Variants in CSMD3 observed in about 807,000 individuals in gnomAD.
CSMD3 encodes CUB and Sushi multiple domains 3.
CSMD3 carries 177 observed loss-of-function variants against 435.2 expected under a neutral mutation model. The ratio of observed to expected loss-of-function variants is 0.41; its 90% CI spans 0.36 to 0.46. CSMD3 has a LOEUF of 0.46. Ranked by LOEUF, CSMD3 falls within the 20% of genes least tolerant of loss-of-function variation. The probability of loss-of-function intolerance (pLI) is 0.34; values close to 1 mark genes in which losing one functional copy is unlikely to be tolerated. For synonymous variants in CSMD3, 1,656 were observed against 1,520.5 expected (o/e 1.09, Z -2.07); for missense variants, 4,265 against 4,504.6 (o/e 0.95, Z 1.52).
intron 10 of CSMD3, among the ~76,000 whole-genome samples, chr8:112,908,817 T>C (rs1276271672): frequency 4.6e-5 from 7 of 151,602 alleles, no homozygotes; most frequent in African/African-American, 1.4e-4. Context: ...ATGGTCTTTA[T>C]GATGTTTTAT....
At chr8:112,256,759 T>C (rs1331865405) in intron 61 of CSMD3, among the ~76,000 whole-genome samples, 1 of 152,218 alleles carries the variant, frequency 6.6e-6, no homozygotes, top group Non-Finnish European at 1.5e-5. Flanking sequence ...CCTGAAAGCT[T>C]ACTTCCCTCT....
At chr8:112,548,797 C>G (rs1330891626) in intron 27 of CSMD3, among the ~76,000 whole-genome samples, 1 of 151,898 alleles carries the variant, frequency 6.6e-6, no homozygotes, top group Admixed American at 6.6e-5. Flanking sequence ...ATGTAGTAAC[C>G]ATCAATGTAA....
chr8:113,118,223 C>G (rs181411350), intron 4 of CSMD3, among the ~76,000 whole-genome samples: 1 of 152,162 alleles, frequency 6.6e-6, no homozygotes, highest in African/African-American at 2.4e-5. Context: ...GCCATCAACT[C>G]TTGACTACAT....
chr8:113,111,190 T>G (rs537201502), intron 4 of CSMD3, among the ~76,000 whole-genome samples: 1 of 152,234 alleles, frequency 6.6e-6, no homozygotes, highest in Non-Finnish European at 1.5e-5. Context: ...GGTCAGAAGT[T>G]TTCAAAGAAT....
chr8:112,407,431 T>C (rs1193392276), intron 34 of CSMD3, among the ~76,000 whole-genome samples: 4 of 152,034 alleles, frequency 2.6e-5, no homozygotes, highest in African/African-American at 7.2e-5. Context: ...TTAAAACACA[T>C]AACAAATGTG....
At chr8:112,583,096 T>A (rs116065544) in intron 23 of CSMD3, among the ~76,000 whole-genome samples, 67 of 152,152 alleles carry the variant, frequency 4.4e-4, no homozygotes, top group African/African-American at 1.5e-3. Flanking sequence ...GAGATAATAA[T>A]TTAGACCAAG....
At chr8:112,331,996 C>A (rs904491838) in intron 45 of CSMD3, among the ~76,000 whole-genome samples, 3 of 152,052 alleles carry the variant, frequency 2.0e-5, no homozygotes, top group Non-Finnish European at 4.4e-5. Flanking sequence ...TTAGAAATTA[C>A]ACATTTAGTA....
At chr8:113,319,697 C>A (rs1169915215) in intron 1 of CSMD3, among the ~76,000 whole-genome samples, 1 of 151,994 alleles carries the variant, frequency 6.6e-6, no homozygotes, top group Non-Finnish European at 1.5e-5. Flanking sequence ...ATACTATTTT[C>A]TTTTGCATTT....
intron 20 of CSMD3, among the ~76,000 whole-genome samples, chr8:112,640,600 T>C (rs2074795868): frequency 1.3e-5 from 2 of 151,850 alleles, no homozygotes; most frequent in Admixed American, 6.6e-5. Flanking sequence ...TGGTGTTTTT[T>C]TTTTCTCCTC....
chr8:112,623,339 C>T (rs899657404), intron 22 of CSMD3, among the ~76,000 whole-genome samples: 2 of 152,078 alleles, frequency 1.3e-5, no homozygotes, highest in African/African-American at 4.8e-5. Context: ...GAATCAAGCA[C>T]ATTTTCACAA....
chr8:112,455,884 T>C lies in CSMD3; in HGVS notation c.5395+16707A>G, dbSNP rs150293901. 1.6e-3 allele frequency among the ~76,000 whole-genome samples: 242 copies of C among 152,212 alleles called. 1 individual carries two copies. The highest frequency in any genetic ancestry group is 0.014 in the Middle Eastern group (4 of 294). On this transcript the variant is annotated intron_variant, in intron 32 of 70. Coordinates refer to ENST00000297405, the MANE Select transcript of CSMD3 (RefSeq NM_198123.2). ...TGGGATTTAAAAAAAAAGGAAGGCATAAATTTTATAGTTATTTTTTGTCTC... is the reference window on the plus strand; with the variant it reads ...TGGGATTTAAAAAAAAAGGAAGGCACAAATTTTATAGTTATTTTTTGTCTC...
Position 112,234,507 on chromosome 8 carries a change from T to G in CSMD3, c.10628-30A>C, listed in dbSNP as rs111698347. 2.8e-3 allele frequency: 3,376 copies of G among 1,207,548 alleles called. 82 individuals carry two copies. The African/African-American group carries it at 0.041, about 15-fold the overall frequency. The allele number at this position is 1,207,548 out of a possible 1,614,324, so 74.8% of individuals were successfully genotyped here. On this transcript the variant is annotated intron_variant, in intron 67 of 70. Transcript: ENST00000297405. ...AAAATGCAAGGACATTTTAGTCTAC[T>G]TAACTTTGTAAATAGTTATACTTCA...
chr8:112,695,516 T>A (rs1221386399), intron 13 of CSMD3, among the ~76,000 whole-genome samples: 1 of 152,108 alleles, frequency 6.6e-6, no homozygotes, highest in Non-Finnish European at 1.5e-5. Context: ...AAAAGGCCTT[T>A]GACAAAATTC....
rs570277272 is a variant in CSMD3, at chr8:113,008,421, A to G, written c.1030+10646T>C. 1.2e-4 allele frequency among the ~76,000 whole-genome samples: 19 copies of G among 152,006 alleles called. No individual in the cohort carries two copies. In the East Asian group the frequency reaches 3.5e-3, roughly 28 times the overall value. On this transcript the variant is annotated intron_variant, in intron 6 of 70. Coordinates refer to ENST00000297405, the MANE Select transcript of CSMD3 (RefSeq NM_198123.2). ...ATTGGCTAGCACTAGCTTAGCTGCC[A>G]TAAGACGGCTGCTCACCTTATCTGT... is the stretch of plus-strand genomic sequence containing the variant.
At chr8:112,462,521 C>A (rs1817553992) in intron 32 of CSMD3, among the ~76,000 whole-genome samples, 2 of 152,064 alleles carry the variant, frequency 1.3e-5, no homozygotes, top group Non-Finnish European at 1.5e-5. Flanking sequence ...GAATAGATAA[C>A]CATCATATGA....
intron 1 of CSMD3, among the ~76,000 whole-genome samples, chr8:113,414,805 A>G (rs2094574899): frequency 6.6e-6 from 1 of 152,130 alleles, no homozygotes; most frequent in Admixed American, 6.5e-5. Context: ...TACAAATAAT[A>G]CAAAACAAAT....
At chr8:113,013,483 T>C (rs1327781620) in intron 6 of CSMD3, among the ~76,000 whole-genome samples, 1 of 151,932 alleles carries the variant, frequency 6.6e-6, no homozygotes, top group Non-Finnish European at 1.5e-5. Flanking sequence ...ATCGGGCGAG[T>C]TAAGGGTGGT....
At chr8:113,344,432 T>C (rs910479082) in intron 1 of CSMD3, among the ~76,000 whole-genome samples, 2 of 152,160 alleles carry the variant, frequency 1.3e-5, no homozygotes, top group South Asian at 4.1e-4. Context: ...TATTAAGCAG[T>C]TGTATGGAGC....
Position 112,413,391 on chromosome 8 carries a change from T to C in CSMD3, c.5396-4359A>G, listed in dbSNP as rs530993678. Among the ~76,000 whole-genome samples the C allele has an allele frequency of 7.9e-5, 12 of 152,372 alleles. No homozygotes were observed. The South Asian group carries it at 1.7e-3, about 21-fold the overall frequency. ...ACTGTTTCAATAAGCATTTGTTTTC[T>C]ATTCTCTATCAAACCCTGTCGAATC... On this transcript the variant is annotated intron_variant, in intron 32 of 70. Coordinates refer to ENST00000297405, the MANE Select transcript of CSMD3 (RefSeq NM_198123.2).
Sources: allele counts gnomAD v4.1 joint callset (sites outside exome capture counted in the v4.1 genomes callset), GRCh38; gene constraint gnomAD v4.1.1; transcripts MANE v1.5; gene names NCBI Gene and HGNC (gene_info 2026-07-23, HGNC 2026-07-21).